PBX1: variants seen among roughly 807,000 people sequenced by gnomAD.
The protein encoded by PBX1 is PBX homeobox 1.
PBX1 carries 6 observed loss-of-function variants against 53.4 expected under a neutral mutation model. The ratio of observed to expected loss-of-function variants is 0.11; its 90% CI spans 0.06 to 0.22. The LOEUF is 0.22. Ranked by LOEUF, PBX1 falls within the 10% of genes least tolerant of loss-of-function variation. The pLI is 1.00. For synonymous variants in PBX1, 204 were observed against 212.3 expected (o/e 0.96, Z 0.34); for missense variants, 251 against 551.4 (o/e 0.46, Z 5.46).
At chr1:164,604,809 A>G (rs1308743076) in intron 2 of PBX1, among the ~76,000 whole-genome samples, 1 of 152,148 alleles carries the variant, frequency 6.6e-6, no homozygotes, top group Non-Finnish European at 1.5e-5. Context: ...TCTTCATATC[A>G]GTGACTATTT....
At chr1:164,603,961 T>TTTTTTTTTTTTTTTTA (rs1553214847) in intron 2 of PBX1, among the ~76,000 whole-genome samples, 2 of 131,982 alleles carry the variant, frequency 1.5e-5, no homozygotes, top group African/African-American at 5.7e-5. Flanking sequence ...TTTTTTTTTT[T>TTTTTTTTTTTTTTTTA]TAGAGATGAG....
At chr1:164,639,131 C>T (rs760659330) in intron 2 of PBX1, among the ~76,000 whole-genome samples, 1 of 152,170 alleles carries the variant, frequency 6.6e-6, no homozygotes, top group Non-Finnish European at 1.5e-5. Flanking sequence ...ATAGCAATAT[C>T]GGTTTTACAG....
chr1:164,628,811 C>T (rs112421068), intron 2 of PBX1, among the ~76,000 whole-genome samples: 3 of 152,216 alleles, frequency 2.0e-5, no homozygotes, highest in Non-Finnish European at 2.9e-5. Context: ...TTATTACTCA[C>T]GAGTGAGCTA....
intron 2 of PBX1, among the ~76,000 whole-genome samples, chr1:164,564,546 G>T (rs1395974360): frequency 6.6e-6 from 1 of 152,060 alleles, no homozygotes; most frequent in Non-Finnish European, 1.5e-5. Flanking sequence ...AAATTAGTAC[G>T]CAGCTCCTTT....
intron 8 of PBX1, among the ~76,000 whole-genome samples, chr1:164,834,883 C>T (rs1486029889): frequency 1.3e-5 from 2 of 152,174 alleles, no homozygotes; most frequent in Non-Finnish European, 2.9e-5. Flanking sequence ...TAGATATGGA[C>T]TCTTCTTCAG....
chr1:164,789,269 G>T (rs2102294309), intron 2 of PBX1, among the ~76,000 whole-genome samples: 1 of 152,284 alleles, frequency 6.6e-6, no homozygotes, highest in South Asian at 2.1e-4. Context: ...GTGTGAAATT[G>T]TTTGTGCTTC....
At chr1:164,560,476 C>T (rs1365203512) in intron 1 of PBX1, 1 of 313,670 alleles carries the variant, frequency 3.2e-6, no homozygotes, top group Non-Finnish European at 5.7e-6. Context: ...TAGTTGACTC[C>T]TTACCTAATT....
chr1:164,759,123 T>G (rs1666677539), intron 2 of PBX1, among the ~76,000 whole-genome samples: 1 of 152,246 alleles, frequency 6.6e-6, no homozygotes, highest in Admixed American at 6.5e-5. Context: ...CTGTAATGTA[T>G]GTATTTCTAC....
At chr1:164,694,651 C>T (rs1662701960) in intron 2 of PBX1, among the ~76,000 whole-genome samples, 1 of 152,202 alleles carries the variant, frequency 6.6e-6, no homozygotes, top group African/African-American at 2.4e-5. Flanking sequence ...TGTATTCCGT[C>T]TTTTATCTGC....
In PBX1 at chr1:164,700,476, G is replaced by A. The variant is rs181231115; in HGVS notation, c.266-92018G>A. 4,454 of 985,382 alleles carry A rather than the reference G, an allele frequency of 4.5e-3. 16 individuals carry two copies. The highest frequency in any genetic ancestry group is 4.9e-3 in the Non-Finnish European group (4,101 of 829,898). 61.0% of individuals were successfully genotyped at this position (985,382 alleles called of 1,614,324 possible). ...AGATTCATGTTACTTGATTCTCTTA[G>A]TGGCACCCGAAGGTTTCTTGCTACT... is the stretch of plus-strand genomic sequence containing the variant. On this transcript the variant is annotated intron_variant, in intron 2 of 8. Coordinates refer to ENST00000420696, the MANE Select transcript of PBX1 (RefSeq NM_002585.4).
rs1453676570 is a variant in PBX1 at position 164,709,197 on chromosome 1, G to A, written c.266-83297G>A. ...ATCTGCTACTCTCAAGGCTCCATTT[G>A]TCTCTGTTGTGTAACTCTGAGCAAG... On this transcript the variant is annotated intron_variant, in intron 2 of 8. Transcript: ENST00000420696. Among the ~76,000 whole-genome samples the A allele has an allele frequency of 2.0e-5, 3 of 152,170 alleles. No homozygotes were observed. The East Asian group carries it at 5.8e-4, about 29-fold the overall frequency.
chr1:164,763,610 G>A (rs1666918689), intron 2 of PBX1, among the ~76,000 whole-genome samples: 1 of 152,194 alleles, frequency 6.6e-6, no homozygotes. Context: ...GATAGACCGA[G>A]GAGTCATTTT....
intron 2 of PBX1, among the ~76,000 whole-genome samples, chr1:164,735,104 A>G (rs181002539): frequency 6.6e-6 from 1 of 152,326 alleles, no homozygotes; most frequent in Admixed American, 6.5e-5. Flanking sequence ...TAGCTCATCT[A>G]TAATGCATTG....
At chr1:164,616,383 A>G (rs1657282238) in intron 2 of PBX1, among the ~76,000 whole-genome samples, 1 of 152,092 alleles carries the variant, frequency 6.6e-6, no homozygotes, top group African/African-American at 2.4e-5. Flanking sequence ...CCGTTTACTG[A>G]TCTATATATT....
intron 2 of PBX1, chr1:164,703,210 CA>C (rs1663233927): frequency 6.6e-6 from 1 of 152,100 alleles, no homozygotes; most frequent in Non-Finnish European, 1.5e-5. Context: ...TGTGGACACC[CA>C]ATTGGCATAG....
intron 1 of PBX1, among the ~76,000 whole-genome samples, chr1:164,561,644 G>C (rs1157378004): frequency 6.6e-6 from 1 of 152,130 alleles, no homozygotes; most frequent in Non-Finnish European, 1.5e-5. Flanking sequence ...GGGCTAGTAA[G>C]AATAGATACT....
intron 2 of PBX1, among the ~76,000 whole-genome samples, chr1:164,776,129 T>A (rs1667630958): frequency 6.6e-6 from 1 of 152,166 alleles, no homozygotes; most frequent in African/African-American, 2.4e-5. Flanking sequence ...GGTCTTTGAT[T>A]TAGTGTATGA....
At chr1:164,702,120 G>A (rs759341011) in intron 2 of PBX1, among the ~76,000 whole-genome samples, 5 of 152,182 alleles carry the variant, frequency 3.3e-5, no homozygotes, top group East Asian at 3.9e-4. Context: ...TGGGGGTTGC[G>A]GAGAAGAGCA....
intron 2 of PBX1, among the ~76,000 whole-genome samples, chr1:164,762,954 G>T (rs187939865): frequency 4.6e-5 from 7 of 152,172 alleles, no homozygotes; most frequent in Middle Eastern, 3.4e-3. Flanking sequence ...ACTAATATTG[G>T]TATAATAATT....
Sources: gnomAD v4.1 joint callset for allele counts (sites outside exome capture counted in the v4.1 genomes callset) on GRCh38, gnomAD v4.1.1 for gene constraint, MANE v1.5 for transcripts, NCBI Gene and HGNC (gene_info 2026-07-23, HGNC 2026-07-21) for gene names.